The following PRKN variants were observed in gnomAD, a reference collection of about 807,000 sequenced individuals.
The protein encoded by PRKN is parkin RBR E3 ubiquitin protein ligase, also known as E3 ubiquitin-protein ligase parkin.
In PRKN, 56 loss-of-function variants were observed where a neutral mutation model predicts 59.5. The observed-to-expected ratio is 0.94, with a 90% CI of 0.76 to 1.18. PRKN has a LOEUF of 1.18. Among genes scored for constraint, PRKN ranks in the 50% most tolerant of loss-of-function variants. The probability of loss-of-function intolerance (pLI) is 0.00; values close to 1 mark genes in which losing one functional copy is unlikely to be tolerated. For synonymous variants in PRKN, 250 were observed against 222.1 expected, an observed-to-expected ratio of 1.13 and a Z score of -1.12; for missense variants, 657 against 596.4, an observed-to-expected ratio of 1.10 and a Z score of -1.06.
At chr6:161,443,309 CAAAAAA>C (rs145832867) in intron 9 of PRKN, among the ~76,000 whole-genome samples, 1 of 79,988 alleles carries the variant, frequency 1.3e-5, no homozygotes, top group African/African-American at 4.7e-5. Context: ...GACTCCGTCT[CAAAAAA>C]AAAAAAAAAA....
In PRKN at chr6:162,606,150, C is replaced by T. The variant is rs577800483; in HGVS notation, c.7+121512G>A. ...AACAAACAAATTCGTAGATTAACCACTCTATCATCTTTTGCCTCTCACTGA... is the reference window on the plus strand; with the variant it reads ...AACAAACAAATTCGTAGATTAACCATTCTATCATCTTTTGCCTCTCACTGA... On this transcript the variant is annotated intron_variant, in intron 1 of 11. Coordinates refer to ENST00000366898, the MANE Select transcript of PRKN (RefSeq NM_004562.3). 1.4e-4 allele frequency among the ~76,000 whole-genome samples: 22 copies of T among 152,298 alleles called. No homozygotes were observed. The South Asian group carries it at 4.1e-3, about 29-fold the overall frequency.
chr6:162,269,216 T>A (rs1272843017), intron 2 of PRKN, among the ~76,000 whole-genome samples: 1 of 152,172 alleles, frequency 6.6e-6, no homozygotes, highest in African/African-American at 2.4e-5. Flanking sequence ...TTTCTTTGTA[T>A]GCGTTGCTCT....
chr6:161,874,980 AT>A (rs1562356646), intron 6 of PRKN, among the ~76,000 whole-genome samples: 43 of 90,316 alleles, frequency 4.8e-4, no homozygotes, highest in Middle Eastern at 5.2e-3. Flanking sequence ...AATTTATTAT[AT>A]TATATACTTT....
Position 161,706,319 on chromosome 6 carries a change from C to G in PRKN, c.871+79453G>C, listed in dbSNP as rs372445139. 2.8e-4 allele frequency among the ~76,000 whole-genome samples: 43 copies of G among 152,322 alleles called. No homozygotes were observed. In the East Asian group the frequency reaches 8.3e-3, roughly 29 times the overall value. ...ATCCCACCCGCTTTTCAGGACCTAG[C>G]TCAGGAGTCACCTTTCTGAAGGAAA... On this transcript the variant is annotated intron_variant, in intron 7 of 11. Transcript: ENST00000366898.
At chr6:161,874,788 T>C (rs1583283657) in intron 6 of PRKN, among the ~76,000 whole-genome samples, 1 of 111,082 alleles carries the variant, frequency 9.0e-6, no homozygotes, top group South Asian at 3.0e-4. Context: ...AAATGTATAA[T>C]AAATAAAATG....
At chr6:162,143,192 A>T (rs113513979) in intron 4 of PRKN, among the ~76,000 whole-genome samples, 2,357 of 152,336 alleles carry the variant, frequency 0.015, 58 homozygotes, top group African/African-American at 0.054. Context: ...CACCCACAAC[A>T]CTAGATTTCC....
rs910786322 is a variant in PRKN, at chr6:162,526,197, C to T, written c.8-82724G>A. 3.4e-5 allele frequency among the ~76,000 whole-genome samples: 5 copies of T among 146,294 alleles called. No individual in the cohort carries two copies. In the South Asian group the frequency reaches 1.1e-3, roughly 33 times the overall value. ...AAATAAAATGTAGATGACAAACTATCGGAGTCAAGGTAAAAATAATTAAAT... is the reference window on the plus strand; with the variant it reads ...AAATAAAATGTAGATGACAAACTATTGGAGTCAAGGTAAAAATAATTAAAT... On this transcript the variant is annotated intron_variant, in intron 1 of 11. Transcript: ENST00000366898.
rs1175332160 is a variant in PRKN at position 161,347,700 on chromosome 6, C to T, written c.*2399G>A. On this transcript the variant is annotated 3_prime_UTR_variant, in exon 12 of 12. Transcript: ENST00000366898. ...TGGCGTGATCTCGGCTCACTGCAAC[C>T]TCTGCCCCCCGGGTTCAAGTGATTC... The T allele has an allele frequency of 2.7e-5, 4 of 149,292 alleles. No individual in the cohort carries two copies. Among genetic ancestry groups the T allele is most frequent in the Non-Finnish European group, 4.4e-5 (3 of 67,664 alleles). The allele number at this position is 149,292 out of a possible 1,614,324, so 9.2% of individuals were successfully genotyped here. A position where few individuals can be genotyped will look rare whatever the true frequency, so the allele number is the denominator to read the frequency against.
At chr6:162,034,258 T>C (rs1398275545) in intron 5 of PRKN, among the ~76,000 whole-genome samples, 1 of 151,716 alleles carries the variant, frequency 6.6e-6, no homozygotes, top group Middle Eastern at 3.2e-3. Context: ...AGTTACTTTA[T>C]ATATTTAGCA....
At chr6:162,117,157 C>G (rs1363237187) in intron 4 of PRKN, among the ~76,000 whole-genome samples, 2 of 152,150 alleles carry the variant, frequency 1.3e-5, no homozygotes, top group Admixed American at 6.5e-5. Context: ...GAAAAAGCTT[C>G]TTAAAGTGGG....
chr6:162,539,899 A>C (rs1778859863), intron 1 of PRKN, among the ~76,000 whole-genome samples: 1 of 151,652 alleles, frequency 6.6e-6, no homozygotes, highest in Non-Finnish European at 1.5e-5. Flanking sequence ...GTTATTTCTC[A>C]AAAAAAAATT....
intron 2 of PRKN, among the ~76,000 whole-genome samples, chr6:162,370,858 A>G (rs1785727434): frequency 6.6e-6 from 1 of 152,208 alleles, no homozygotes; most frequent in Admixed American, 6.5e-5. Flanking sequence ...AAAAGAGTTT[A>G]GTGAGTGATA....
At chr6:162,673,104 T>C (rs1779397648) in intron 1 of PRKN, among the ~76,000 whole-genome samples, 1 of 152,194 alleles carries the variant, frequency 6.6e-6, no homozygotes, top group African/African-American at 2.4e-5. Flanking sequence ...TTAAATATAG[T>C]CACTGCCCAT....
At chr6:162,331,600 C>T (rs144156555) in intron 2 of PRKN, among the ~76,000 whole-genome samples, 3 of 152,168 alleles carry the variant, frequency 2.0e-5, no homozygotes, top group Non-Finnish European at 2.9e-5. Context: ...GTGGACACCA[C>T]CTAAATTGGT....
rs1420907936 is a variant in PRKN at position 161,573,787 on chromosome 6, TATATATATAA to T, written c.872-4381_872-4372del. 5.2e-5 allele frequency among the ~76,000 whole-genome samples: 5 copies of T among 97,024 alleles called. 1 individual carries two copies. Among genetic ancestry groups the T allele is most frequent in the Admixed American group, 4.5e-4 (4 of 8,880 alleles). 63.7% of individuals were successfully genotyped at this position (97,024 alleles called of 152,430 possible). On this transcript the variant is annotated intron_variant, in intron 7 of 11. Coordinates refer to ENST00000366898, the MANE Select transcript of PRKN (RefSeq NM_004562.3). ...ATATATATATATATATATATATATA[TATATATATAA>T]AACTTCATTCAACCTTGGGTGTTTT...
Position 162,258,952 on chromosome 6 carries a change from C to T in PRKN, c.412+3573G>A, listed in dbSNP as rs151064278. Among the ~76,000 whole-genome samples, 163 of 152,272 alleles carry T rather than the reference C, an allele frequency of 1.1e-3. 2 individuals carry two copies. Among genetic ancestry groups the T allele is most frequent in the Admixed American group, 9.1e-3 (139 of 15,286 alleles). ...ACTTGAAAGGCACCTTCTCGGGTTT[C>T]AGAAGTTTCCATTTGTTTCGACAAC... On this transcript the variant is annotated intron_variant, in intron 3 of 11. Coordinates refer to ENST00000366898, the MANE Select transcript of PRKN (RefSeq NM_004562.3).
At chr6:161,740,318 C>T (rs986045390) in intron 7 of PRKN, among the ~76,000 whole-genome samples, 1 of 152,178 alleles carries the variant, frequency 6.6e-6, no homozygotes, top group African/African-American at 2.4e-5. Context: ...TTATTGTCCT[C>T]GTCTATATCA....
chr6:162,092,055 T>C (rs914048229), intron 4 of PRKN, among the ~76,000 whole-genome samples: 4 of 152,082 alleles, frequency 2.6e-5, no homozygotes, highest in African/African-American at 9.6e-5. Flanking sequence ...AAAAAGGTCA[T>C]ACAAGTTTAC....
At chr6:161,987,642 T>C (rs556779751) in intron 5 of PRKN, among the ~76,000 whole-genome samples, 1 of 152,352 alleles carries the variant, frequency 6.6e-6, no homozygotes, top group East Asian at 1.9e-4. Flanking sequence ...TGTGTTATTT[T>C]TTGTTTTTAT....
Sources: gnomAD v4.1 joint callset for allele counts (sites outside exome capture counted in the v4.1 genomes callset) on GRCh38, gnomAD v4.1.1 for gene constraint, MANE v1.5 for transcripts, NCBI Gene and HGNC (gene_info 2026-07-23, HGNC 2026-07-21) for gene names.